Variants in LINGO2 observed in about 807,000 individuals in gnomAD.
The protein encoded by LINGO2 is leucine-rich repeat and immunoglobulin-like domain-containing nogo receptor-interacting protein 2.
Under a neutral mutation model 30.6 loss-of-function variants are expected in LINGO2, and 14 were observed. That is an observed-to-expected ratio of 0.46 (90% confidence interval 0.30 to 0.72). The LOEUF (loss-of-function observed/expected upper bound fraction) is 0.72. Ranked by LOEUF, LINGO2 falls within the 30% of genes least tolerant of loss-of-function variation. The pLI is 0.07. For missense variants in LINGO2, 729 were observed against 751.7 expected, an observed-to-expected ratio of 0.97 and a Z score of 0.35; for synonymous variants, 317 against 288.5, an observed-to-expected ratio of 1.10 and a Z score of -1.00.
intron 5 of LINGO2, among the ~76,000 whole-genome samples, chr9:27,969,301 T>A (rs780957356): frequency 1.3e-5 from 2 of 152,108 alleles, no homozygotes; most frequent in Non-Finnish European, 2.9e-5. Flanking sequence ...TCATTGAGTA[T>A]GTACAACTAG....
chr9:28,976,923 AC>A, the LINGO2 span, among the ~76,000 whole-genome samples: 2 of 152,166 alleles, frequency 1.3e-5, no homozygotes, highest in African/African-American at 2.4e-5. Context: ...AATTAGTCAT[AC>A]AATGTGGCTA....
chr9:28,217,393 A>C (rs573307327), intron 4 of LINGO2, among the ~76,000 whole-genome samples: 3 of 152,006 alleles, frequency 2.0e-5, no homozygotes, highest in Non-Finnish European at 4.4e-5. Flanking sequence ...TGTGAAAATA[A>C]AGACAACTGA....
At chr9:28,863,983 A>G in the LINGO2 span, among the ~76,000 whole-genome samples, 1 of 152,280 alleles carries the variant, frequency 6.6e-6, no homozygotes, top group Non-Finnish European at 1.5e-5. Context: ...GCAGGATGAA[A>G]AAACAGGGTT....
chr9:28,743,217 G>T, the LINGO2 span, among the ~76,000 whole-genome samples: 4 of 151,582 alleles, frequency 2.6e-5, no homozygotes, highest in African/African-American at 9.7e-5. Flanking sequence ...TAAATTCTGA[G>T]ATATATATGC....
At chr9:28,794,348 T>C in the LINGO2 span, among the ~76,000 whole-genome samples, 7 of 152,184 alleles carry the variant, frequency 4.6e-5, no homozygotes, top group South Asian at 1.2e-3. Context: ...ACATTGATAG[T>C]TCTGATTGGG....
intron 3 of LINGO2, among the ~76,000 whole-genome samples, chr9:28,322,093 T>G (rs975635497): frequency 1.2e-4 from 18 of 152,178 alleles, no homozygotes; most frequent in African/African-American, 4.3e-4. Flanking sequence ...CTTGTAGTAT[T>G]CTCCTTACAC....
chr9:29,152,273 A>G, the LINGO2 span, among the ~76,000 whole-genome samples: 1 of 152,214 alleles, frequency 6.6e-6, no homozygotes, highest in Non-Finnish European at 1.5e-5. Context: ...AGATTTTCAA[A>G]CAAAACTACC....
At chr9:27,961,743 T>TC (rs1475369442) in intron 5 of LINGO2, among the ~76,000 whole-genome samples, 1 of 152,162 alleles carries the variant, frequency 6.6e-6, no homozygotes, top group East Asian at 1.9e-4. Context: ...GGCTGTTAAT[T>TC]CAAGTCAGAA....
At chr9:28,140,950 T>A (rs1003750032) in intron 4 of LINGO2, among the ~76,000 whole-genome samples, 1 of 150,034 alleles carries the variant, frequency 6.7e-6, no homozygotes, top group Non-Finnish European at 1.5e-5. Flanking sequence ...ATAATATAAA[T>A]AATATATACT....
intron 4 of LINGO2, among the ~76,000 whole-genome samples, chr9:28,166,408 G>C (rs931216902): frequency 1.3e-5 from 2 of 152,110 alleles, no homozygotes; most frequent in Non-Finnish European, 2.9e-5. Context: ...ATTTGTTATG[G>C]TTAAATGAGA....
intron 2 of LINGO2, among the ~76,000 whole-genome samples, chr9:28,423,923 G>T (rs567941552): frequency 3.3e-5 from 5 of 152,054 alleles, no homozygotes; most frequent in Admixed American, 3.3e-4. Flanking sequence ...CAGCTACATC[G>T]ACTGCCCTAT....
At chr9:29,046,989 G>A in the LINGO2 span, among the ~76,000 whole-genome samples, 1 of 149,976 alleles carries the variant, frequency 6.7e-6, no homozygotes, top group Admixed American at 6.7e-5. Flanking sequence ...TGCGGCAGGA[G>A]AATCACTTGA....
intron 4 of LINGO2, among the ~76,000 whole-genome samples, chr9:28,250,598 T>A (rs1004177077): frequency 6.6e-6 from 1 of 152,158 alleles, no homozygotes; most frequent in Non-Finnish European, 1.5e-5. Flanking sequence ...AATATCTGTG[T>A]CCCCATCCCC....
At position 28,446,212 on chromosome 9, in the gene LINGO2, T is replaced by C. The variant is rs560912092; in HGVS notation, c.-279+29728A>G. ...ACAAATTAAGGAACCCCTTATTTCA[T>C]AGGTTCTCTGAAGAGTCATCAAAGC... On this transcript the variant is annotated intron_variant, in intron 2 of 5. Transcript: ENST00000379992. 2.0e-5 allele frequency among the ~76,000 whole-genome samples: 3 copies of C among 152,332 alleles called. No individual in the cohort carries two copies. The South Asian group carries it at 6.2e-4, about 32-fold the overall frequency.
intron 4 of LINGO2, among the ~76,000 whole-genome samples, chr9:28,046,894 C>T (rs1165156548): frequency 3.3e-5 from 5 of 152,030 alleles, no homozygotes; most frequent in Non-Finnish European, 7.4e-5. Context: ...TGCTGGATTT[C>T]ACTACTTTAA....
At chr9:28,586,837 A>C (rs1478182881) in intron 1 of LINGO2, among the ~76,000 whole-genome samples, 2 of 152,024 alleles carry the variant, frequency 1.3e-5, no homozygotes, top group Admixed American at 1.3e-4. Flanking sequence ...GCTCCTACTC[A>C]GAGGAGGTAT....
chr9:28,245,169 G>A (rs921321578), intron 4 of LINGO2, among the ~76,000 whole-genome samples: 5 of 152,086 alleles, frequency 3.3e-5, no homozygotes, highest in African/African-American at 4.8e-5. Context: ...ATCAATAAAC[G>A]TAATCCATCA....
At chr9:28,369,297 G>A (rs1428199597) in intron 3 of LINGO2, among the ~76,000 whole-genome samples, 1 of 152,032 alleles carries the variant, frequency 6.6e-6, no homozygotes, top group Non-Finnish European at 1.5e-5. Context: ...GGTATTGTCT[G>A]TCACCTTTCT....
At chr9:28,941,289 G>C in the LINGO2 span, among the ~76,000 whole-genome samples, 50 of 152,090 alleles carry the variant, frequency 3.3e-4, no homozygotes, top group Non-Finnish European at 6.8e-4. Flanking sequence ...TTAGTATCTA[G>C]ATATGCATAT....
Sources: allele counts gnomAD v4.1 joint callset (sites outside exome capture counted in the v4.1 genomes callset), GRCh38; gene constraint gnomAD v4.1.1; transcripts MANE v1.5; gene names NCBI Gene and HGNC (gene_info 2026-07-23, HGNC 2026-07-21).